DERA: variants seen among roughly 807,000 people sequenced by gnomAD.
The protein encoded by DERA is 2-deoxy-D-ribose 5-phosphate aldolase.
DERA carries 15 observed loss-of-function variants against 41.1 expected under a neutral mutation model. That is an observed-to-expected ratio of 0.37 (90% CI 0.24 to 0.56). The LOEUF (loss-of-function observed/expected upper bound fraction) is 0.56, where lower values mean the gene tolerates loss of function less well. Among genes scored for constraint, DERA ranks in the 20% least tolerant of loss-of-function variants. DERA has a pLI of 0.81. For synonymous variants in DERA, 139 were observed against 137.4 expected (o/e 1.01, Z -0.08); for missense variants, 396 against 403.4 (o/e 0.98, Z 0.16).
In DERA at chr12:16,001,379, G is replaced by A. The variant is rs1265049004; in HGVS notation, c.637+18943G>A. ...CTAAACCCACCCCTTTCCACTGGCT[G>A]TTTTCTTTGGTTGTTCCTTCAGGGC... On this transcript the variant is annotated intron_variant, in intron 6 of 8. Transcript: ENST00000428559. This position sits in a 1 kb window ranked among gnomAD's most constrained non-coding sequence, Gnocchi z 4.1. 6.6e-6 allele frequency among the ~76,000 whole-genome samples: 1 copy of A among 152,134 alleles called. No individual in the cohort carries two copies. Among genetic ancestry groups the A allele is most frequent in the African/African-American group, 2.4e-5 (1 of 41,432 alleles).
chr12:16,030,054 C>G (rs929917254), intron 6 of DERA, among the ~76,000 whole-genome samples: 4 of 150,086 alleles, frequency 2.7e-5, no homozygotes, highest in African/African-American at 9.8e-5. Flanking sequence ...TCCCGAGTAG[C>G]TGGGACTACA....
intron 7 of DERA, among the ~76,000 whole-genome samples, chr12:16,033,212 A>C (rs975811397): frequency 6.6e-6 from 1 of 152,244 alleles, no homozygotes; most frequent in Admixed American, 6.5e-5. Context: ...TATTACTTTT[A>C]ATAATATGAG....
In DERA at chr12:15,972,987, G is replaced by A. The variant is rs1349646899; in HGVS notation, c.509-9321G>A. Among the ~76,000 whole-genome samples, 4 of 152,140 alleles carry A rather than the reference G, an allele frequency of 2.6e-5. No individual in the cohort carries two copies. The highest frequency in any genetic ancestry group is 3.9e-4 in the East Asian group (2 of 5,166). ...CCCTTTCCCTCCTTTCCACTCCTTGGATCCACACTCTGATGCACACAGGCC... is the reference window on the plus strand; with the variant it reads ...CCCTTTCCCTCCTTTCCACTCCTTGAATCCACACTCTGATGCACACAGGCC... On this transcript the variant is annotated intron_variant, in intron 5 of 8. Coordinates refer to ENST00000428559, the MANE Select transcript of DERA (RefSeq NM_015954.4). This position sits in a 1 kb window ranked among gnomAD's most constrained non-coding sequence, Gnocchi z 4.4.
In DERA at chr12:15,981,784, G is replaced by C. The variant is rs1318487839; in HGVS notation, c.509-524G>C. 6.6e-6 allele frequency among the ~76,000 whole-genome samples: 1 copy of C among 152,150 alleles called. No homozygotes were observed. The highest frequency in any genetic ancestry group is 2.4e-5 in the African/African-American group (1 of 41,436). ...GGCCAGGCCTAACACTTTTTAGTCAGATATATAAACATACTCTGGCAGGCA... is the reference window on the plus strand; with the variant it reads ...GGCCAGGCCTAACACTTTTTAGTCACATATATAAACATACTCTGGCAGGCA... On this transcript the variant is annotated intron_variant, in intron 5 of 8. Coordinates refer to ENST00000428559, the MANE Select transcript of DERA (RefSeq NM_015954.4). The surrounding 1 kb of genome is among the most constrained non-coding windows in gnomAD (Gnocchi z 6.1).
At chr12:16,006,524 G>A (rs1948911972) in intron 6 of DERA, among the ~76,000 whole-genome samples, 1 of 152,156 alleles carries the variant, frequency 6.6e-6, no homozygotes, top group Non-Finnish European at 1.5e-5. Context: ...CTCCACACTT[G>A]GCCCCTCCAG....
intron 5 of DERA, among the ~76,000 whole-genome samples, chr12:15,979,103 T>C (rs1948717084): frequency 6.6e-6 from 1 of 152,194 alleles, no homozygotes; most frequent in African/African-American, 2.4e-5. Context: ...CTTCAGTAAA[T>C]ATTCATGAGT....
chr12:15,956,001 C>T (rs1263621095), intron 1 of DERA, among the ~76,000 whole-genome samples: 2 of 152,162 alleles, frequency 1.3e-5, no homozygotes, highest in Non-Finnish European at 2.9e-5. Context: ...ACCGTGAGGC[C>T]ACCTATGTTT....
At chr12:16,029,913 C>CCTTTTTTTT in intron 6 of DERA, among the ~76,000 whole-genome samples, 1 of 59,686 alleles carries the variant, frequency 1.7e-5, no homozygotes, top group Non-Finnish European at 2.9e-5. Context: ...TAGCCTTGGT[C>CCTTTTTTTT]TTTTTTTTTT....
In DERA at chr12:16,010,262, T is replaced by G. The variant is rs1948938453; in HGVS notation, c.638-22280T>G. 3.9e-5 allele frequency among the ~76,000 whole-genome samples: 6 copies of G among 152,182 alleles called. No individual in the cohort carries two copies. Among genetic ancestry groups the G allele is most frequent in the Admixed American group, 3.9e-4 (6 of 15,280 alleles). On this transcript the variant is annotated intron_variant, in intron 6 of 8. Transcript: ENST00000428559. This position sits in a 1 kb window ranked among gnomAD's most constrained non-coding sequence, Gnocchi z 5.5. Reference sequence around the variant, plus strand: ...AGTGGATCCAGGTTGCGTGCATGCTTAGTATTAATGCATGACTTCTGCAGA... The same window carrying G: ...AGTGGATCCAGGTTGCGTGCATGCTGAGTATTAATGCATGACTTCTGCAGA...
chr12:16,021,517 A>G lies in DERA; in HGVS notation c.638-11025A>G, dbSNP rs1232722239. ...AAGGGAAATGTAGGGTGGAGCCCACACAGAGTCTCCACTGCAGCGCTGTCT... is the reference window on the plus strand; with the variant it reads ...AAGGGAAATGTAGGGTGGAGCCCACGCAGAGTCTCCACTGCAGCGCTGTCT... On this transcript the variant is annotated intron_variant, in intron 6 of 8. Coordinates refer to ENST00000428559, the MANE Select transcript of DERA (RefSeq NM_015954.4). The surrounding 1 kb of genome is among the most constrained non-coding windows in gnomAD (Gnocchi z 5.3). 3.3e-5 allele frequency among the ~76,000 whole-genome samples: 5 copies of G among 152,228 alleles called. No individual in the cohort carries two copies. The highest frequency in any genetic ancestry group is 7.3e-5 in the Non-Finnish European group (5 of 68,040).
At position 16,003,936 on chromosome 12, in the gene DERA, G is replaced by A. The variant is rs572857911; in HGVS notation, c.637+21500G>A. Among the ~76,000 whole-genome samples, 2 of 152,240 alleles carry A rather than the reference G, an allele frequency of 1.3e-5. No individual in the cohort carries two copies. The highest frequency in any genetic ancestry group is 4.2e-4 in the South Asian group (2 of 4,814). ...AGAGCTAGCCACTCAGAGGCATCCG[G>A]GCCTTCCTCTGTTTCCTAAAACATC... On this transcript the variant is annotated intron_variant, in intron 6 of 8. Coordinates refer to ENST00000428559, the MANE Select transcript of DERA (RefSeq NM_015954.4). This position sits in a 1 kb window ranked among gnomAD's most constrained non-coding sequence, Gnocchi z 4.8.
intron 1 of DERA, among the ~76,000 whole-genome samples, chr12:15,942,386 TTTG>T (rs1045998696): frequency 3.9e-5 from 6 of 152,318 alleles, no homozygotes; most frequent in Non-Finnish European, 7.3e-5. Flanking sequence ...TTTATTTATT[TTTG>T]TTGTTGTTGC....
chr12:16,000,470 A>G lies in DERA; in HGVS notation c.637+18034A>G, dbSNP rs1211693762. 6.6e-6 allele frequency among the ~76,000 whole-genome samples: 1 copy of G among 152,226 alleles called. No individual in the cohort carries two copies. The highest frequency in any genetic ancestry group is 1.5e-5 in the Non-Finnish European group (1 of 68,042). ...GTGATTCAGGAGGAAAAGGAAATTC[A>G]TGCTTTTACTTGAATTATCAGGATG... On this transcript the variant is annotated intron_variant, in intron 6 of 8. Coordinates refer to ENST00000428559, the MANE Select transcript of DERA (RefSeq NM_015954.4). This position sits in a 1 kb window ranked among gnomAD's most constrained non-coding sequence, Gnocchi z 4.8.
At chr12:16,023,894 T>A (rs1196201208) in intron 6 of DERA, among the ~76,000 whole-genome samples, 1 of 151,942 alleles carries the variant, frequency 6.6e-6, no homozygotes, top group Non-Finnish European at 1.5e-5. Context: ...ATAGCTTTAA[T>A]GAAAAAACAG....
At position 15,940,518 on chromosome 12, in the gene DERA, A is replaced by AT; in HGVS notation, c.32-16412dup. On this transcript the variant is annotated intron_variant, in intron 1 of 8. Coordinates refer to ENST00000428559, the MANE Select transcript of DERA (RefSeq NM_015954.4). The surrounding 1 kb of genome is among the most constrained non-coding windows in gnomAD (Gnocchi z 5.1). ...AGGCGCATGCCACCACACCTGGCTG[A>AT]TTTTTTGTATTTGTAGTAGAGACAG... Among the ~76,000 whole-genome samples the AT allele has an allele frequency of 6.6e-6, 1 of 151,942 alleles. No individual in the cohort carries two copies.
chr12:15,926,458 C>T lies in DERA; in HGVS notation c.31+15044C>T, dbSNP rs186885568. On this transcript the variant is annotated intron_variant, in intron 1 of 8. Coordinates refer to ENST00000428559, the MANE Select transcript of DERA (RefSeq NM_015954.4). ...GTAGGCAAGAAACAAGAGAATTGGCCGGGCGCGGTGGCTCACGCCTGTAAT... is the reference window on the plus strand; with the variant it reads ...GTAGGCAAGAAACAAGAGAATTGGCTGGGCGCGGTGGCTCACGCCTGTAAT... Among the ~76,000 whole-genome samples the T allele has an allele frequency of 1.6e-4, 25 of 152,144 alleles. No homozygotes were observed. In the East Asian group the frequency reaches 4.7e-3, roughly 28 times the overall value.
At position 15,915,932 on chromosome 12, in the gene DERA, G is replaced by T. The variant is rs1010566676; in HGVS notation, c.31+4518G>T. Among the ~76,000 whole-genome samples the T allele has an allele frequency of 6.6e-6, 1 of 152,210 alleles. No homozygotes were observed. Among genetic ancestry groups the T allele is most frequent in the Non-Finnish European group, 1.5e-5 (1 of 68,034 alleles). Reference sequence around the variant, plus strand: ...GCCCAGGTGATTTGGTGCTAATAATGCTACATGCTTAAACAACCACACTGT... The same window carrying T: ...GCCCAGGTGATTTGGTGCTAATAATTCTACATGCTTAAACAACCACACTGT... On this transcript the variant is annotated intron_variant, in intron 1 of 8. Coordinates refer to ENST00000428559, the MANE Select transcript of DERA (RefSeq NM_015954.4). This position sits in a 1 kb window ranked among gnomAD's most constrained non-coding sequence, Gnocchi z 4.8.
Position 15,911,746 on chromosome 12 carries a change from C to T in DERA, c.31+332C>T. 1.7e-6 allele frequency: 1 copy of T among 597,728 alleles called. No homozygotes were observed. Among genetic ancestry groups the T allele is most frequent in the South Asian group, 1.5e-5 (1 of 65,814 alleles). The allele number at this position is 597,728 out of a possible 1,614,324, so 37.0% of individuals were successfully genotyped here. A position where few individuals can be genotyped will look rare whatever the true frequency, so the allele number is the denominator to read the frequency against. On this transcript the variant is annotated intron_variant, in intron 1 of 8. Coordinates refer to ENST00000428559, the MANE Select transcript of DERA (RefSeq NM_015954.4). The surrounding 1 kb of genome is among the most constrained non-coding windows in gnomAD (Gnocchi z 4.5). ...AAACAAAACCCAAAACAAACAACCC[C>T]CAAGCAGGTAAAAACAGATAAAAAC...
rs765662469 is a variant in DERA, at chr12:15,941,936, G to C, written c.32-15000G>C. The stretch of plus-strand genomic sequence containing the variant: ...ATGGTAAGTTCTTTAAGGAATCCCC[G>C]TACTGTTTTCTGTAGTGGTTGTACT... On this transcript the variant is annotated intron_variant, in intron 1 of 8. Coordinates refer to ENST00000428559, the MANE Select transcript of DERA (RefSeq NM_015954.4). The surrounding 1 kb of genome is among the most constrained non-coding windows in gnomAD (Gnocchi z 4.5). 6.6e-6 allele frequency among the ~76,000 whole-genome samples: 1 copy of C among 152,252 alleles called. No homozygotes were observed. The highest frequency in any genetic ancestry group is 1.9e-4 in the East Asian group (1 of 5,178).
Sources: allele counts gnomAD v4.1 joint callset (sites outside exome capture counted in the v4.1 genomes callset), GRCh38; gene constraint gnomAD v4.1.1; non-coding constraint Gnocchi (gnomAD v3.1); transcripts MANE v1.5; gene names NCBI Gene and HGNC (gene_info 2026-07-23, HGNC 2026-07-21).